PLEC: variants seen among roughly 807,000 people sequenced by gnomAD.
PLEC encodes hemidesmosomal protein 1.
PLEC carries 216 observed loss-of-function variants against 392.8 expected under a neutral mutation model. That is an observed-to-expected ratio of 0.55 (90% CI 0.49 to 0.62). PLEC has a LOEUF of 0.62. Among genes scored for constraint, PLEC ranks in the 20% least tolerant of loss-of-function variants. PLEC has a pLI of 0.00. For synonymous variants in PLEC, 3,621 were observed against 2,980.6 expected, an observed-to-expected ratio of 1.21 and a Z score of -7.00; for missense variants, 6,863 against 6,563.4, an observed-to-expected ratio of 1.05 and a Z score of -1.58.
intron 19 of PLEC, among the ~76,000 whole-genome samples, chr8:143,931,026 G>A (rs937272774): frequency 6.6e-6 from 1 of 152,146 alleles, no homozygotes; most frequent in African/African-American, 2.4e-5. Flanking sequence ...TCCCACCCCT[G>A]CTCCCAGAGC....
At chr8:143,947,665 G>A (rs1003219896) in intron 1 of PLEC, among the ~76,000 whole-genome samples, 4 of 152,138 alleles carry the variant, frequency 2.6e-5, no homozygotes, top group African/African-American at 4.8e-5. Flanking sequence ...CAGGAGAATC[G>A]CTTCAACCCG....
In PLEC at chr8:143,916,888, C is replaced by T. The variant is rs1554670396; in HGVS notation, c.12933G>A (p.Leu4311=). Residue 4311 remains leucine, a synonymous_variant, in exon 32 of 32, where the codon CTG becomes CTA. Transcript: ENST00000345136. Reference sequence around the variant, plus strand: ...CCCCGGTGCAGGCCTGCGCCTCCAGCAGCCGCTGCCCCGTGATGTTATCCA... The same window carrying T: ...CCCCGGTGCAGGCCTGCGCCTCCAGTAGCCGCTGCCCCGTGATGTTATCCA... ...NLVDNITGQR[L]LEAQACTGGI... 1 of 1,612,684 alleles carries T rather than the reference C, an allele frequency of 6.2e-7. No individual in the cohort carries two copies. The highest frequency in any genetic ancestry group is 1.1e-5 in the South Asian group (1 of 91,068).
rs782104325 is a variant in PLEC at position 143,935,883 on chromosome 8, G to A, written c.567C>T (p.Asp189=). 42 of 1,612,810 alleles carry A rather than the reference G, an allele frequency of 2.6e-5. No individual in the cohort carries two copies. The highest frequency in any genetic ancestry group is 5.0e-5 in the Admixed American group (3 of 60,000). The change falls in exon 6 of 32, where the codon GAC becomes GAT. Residue 189 remains aspartate, a synonymous_variant. Coordinates refer to ENST00000345136, the MANE Select transcript of PLEC (RefSeq NM_201384.3). ...RCDNFTSSWR[D]GRLFNAIIHR... is the part of the protein sequence containing the mutation. ...GGATGATGGCATTGAAGAGGCGGCC[G>A]TCTCTCCAGCTGGAGGTGAAGTTGT...
chr8:143,922,840 G>A lies in PLEC; in HGVS notation c.7089C>T (p.Gly2363=), dbSNP rs782294445. Residue 2363 remains glycine (G), a synonymous_variant, in exon 31 of 32, where the codon GGC becomes GGT. Coordinates refer to ENST00000345136, the MANE Select transcript of PLEC (RefSeq NM_201384.3). The part of the protein sequence containing the change: ...MAQQLAEETQ[G]FQRTLEAERQ... ...GCTCGGCCTCCAGCGTCCGCTGGAA[G>A]CCCTGCGTCTCCTCCGCCAGCTGCT... 12 of 1,581,440 alleles carry A rather than the reference G, an allele frequency of 7.6e-6. No individual in the cohort carries two copies. Among genetic ancestry groups the A allele is most frequent in the Middle Eastern group, 1.8e-4 (1 of 5,484 alleles).
intron 2 of PLEC, 153 bp from the exon 3 acceptor site, chr8:143,938,393 G>C (rs782674101): frequency 6.5e-7 from 1 of 1,535,466 alleles, no homozygotes; most frequent in African/African-American, 1.4e-5. Flanking sequence ...CCCCACGGAG[G>C]CACCTACCTC....
At chr8:143,939,699 G>A (rs571408765), upstream of PLEC, 79 of 1,341,642 alleles carry the variant, frequency 5.9e-5, no homozygotes, top group East Asian at 3.1e-4. Context: ...GGAGTGTCCC[G>A]GCGGGAAGGA....
chr8:143,952,287 A>C (rs1389676096), upstream of PLEC, among the ~76,000 whole-genome samples: 1 of 152,160 alleles, frequency 6.6e-6, no homozygotes, highest in African/African-American at 2.4e-5. Flanking sequence ...AGGCATAGCC[A>C]CGGTTCCCAC....
upstream of PLEC, among the ~76,000 whole-genome samples, chr8:143,951,249 T>C (rs1832117509): frequency 2.0e-5 from 3 of 151,808 alleles, no homozygotes; most frequent in South Asian, 6.2e-4. Flanking sequence ...TCGGCAGGGA[T>C]GTGGGCTCTG....
Position 143,935,293 on chromosome 8 carries a change from T to C in PLEC, c.623A>G (p.Asn208Ser), listed in dbSNP as rs1369476433. ...HRHKPLLIDM[N>S]KVYRQTNLEN... ...CAGGTTGGTCTGCCGGTACACCTTGTTCATGTCGATGAGCAGGGGCCTGGG... is the reference window on the plus strand; with the variant it reads ...CAGGTTGGTCTGCCGGTACACCTTGCTCATGTCGATGAGCAGGGGCCTGGG... The change falls in exon 7 of 32, where the codon AAC becomes AGC. Residue 208 changes from asparagine (N) to serine (S), a missense_variant. Asn to Ser is a conservative substitution (Grantham distance 46). Coordinates refer to ENST00000345136, the MANE Select transcript of PLEC (RefSeq NM_201384.3). 2 of 1,606,640 alleles carry C rather than the reference T, an allele frequency of 1.2e-6. No homozygotes were observed. Among genetic ancestry groups the C allele is most frequent in the Non-Finnish European group, 1.7e-6 (2 of 1,179,728 alleles).
At chr8:143,931,373 A>T (rs1339841307) in intron 19 of PLEC, among the ~76,000 whole-genome samples, 161 bp downstream of exon 19, 1 of 80,484 alleles carries the variant, frequency 1.2e-5, no homozygotes, top group African/African-American at 3.3e-5. Flanking sequence ...GCAGCCCAGA[A>T]CATCCTGCCT....
intron 1 of PLEC, chr8:143,946,419 G>A (rs1468163112): frequency 2.8e-5 from 36 of 1,285,642 alleles, no homozygotes; most frequent in Admixed American, 1.4e-4. Context: ...AGGCTGCTCC[G>A]AGAGCCGGCA....
At chr8:143,953,603 A>G (rs892186000), upstream of PLEC, 32 of 1,074,648 alleles carry the variant, frequency 3.0e-5, 1 homozygote, top group South Asian at 4.0e-4. Flanking sequence ...GCTCTGGCTC[A>G]GCGACCCACA....
At chr8:143,943,920 C>T (rs1830986775), upstream of PLEC, 11 of 1,605,306 alleles carry the variant, frequency 6.9e-6, no homozygotes, top group Non-Finnish European at 9.3e-6. Context: ...CAGGGCTGCC[C>T]TTCCTGCGCT....
At position 143,923,676 on chromosome 8, in the gene PLEC, C is replaced by A; in HGVS notation, c.6253G>T (p.Ala2085Ser). The A allele has an allele frequency of 6.4e-7, 1 of 1,553,636 alleles. No homozygotes were observed. Among genetic ancestry groups the A allele is most frequent in the Non-Finnish European group, 8.6e-7 (1 of 1,156,202 alleles). Reference sequence around the variant, plus strand: ...GCCTCCTCAGCCGCCCGCCGGGCCGCCTCCGCCTCGCCGCGCAGCTGGTCC... The same window carrying A: ...GCCTCCTCAGCCGCCCGCCGGGCCGACTCCGCCTCGCCGCGCAGCTGGTCC... ...VLDQLRGEAE[A>S]ARRAAEEAEE... Residue 2085 changes from alanine (A) to serine (S), a missense_variant, in exon 31 of 32, where the codon GCG becomes TCG. Ala to Ser is a moderately conservative substitution (Grantham distance 99, BLOSUM62 1). Transcript: ENST00000345136.
intron 25 of PLEC, among the ~76,000 whole-genome samples, chr8:143,928,414 T>C (rs2131647925): frequency 6.6e-6 from 1 of 152,320 alleles, no homozygotes; most frequent in East Asian, 1.9e-4. Flanking sequence ...CCTATCACTG[T>C]GCTGGTTCTG....
Position 143,915,985 on chromosome 8 carries a change from C to A in PLEC, c.*192G>T. 1 of 477,592 alleles carries A rather than the reference C, an allele frequency of 2.1e-6. No homozygotes were observed. The highest frequency in any genetic ancestry group is 3.6e-6 in the Non-Finnish European group (1 of 274,284). The allele number at this position is 477,592 out of a possible 1,614,324, so 29.6% of individuals were successfully genotyped here. ...CGAGGGGGTGAGGCGGCCAGCAGGG[C>A]TGGGCCAGCCCTGTCCCCCAAGATA... On this transcript the variant is annotated 3_prime_UTR_variant, in exon 32 of 32. Coordinates refer to ENST00000345136, the MANE Select transcript of PLEC (RefSeq NM_201384.3).
At chr8:143,950,253 T>C (rs1170535570) in exon 1 of PLEC, 3 of 1,569,448 alleles carry the variant, frequency 1.9e-6, no homozygotes, top group Non-Finnish European at 2.6e-6. Context: ...ACCACAGGGG[T>C]CTCAGGTGAC....
rs201102719 is a variant in PLEC, at chr8:143,920,263, T to C, written c.9558A>G (p.Thr3186=). 466 of 1,597,150 alleles carry C rather than the reference T, an allele frequency of 2.9e-4. 1 individual carries two copies. In the African/African-American group the frequency reaches 5.0e-3, roughly 17 times the overall value. ...ADAKAYSDPS[T]GEPATYGELQ... Reference sequence around the variant, plus strand: ...GCTCGCCGTAGGTGGCCGGCTCCCCTGTGCTGGGGTCACTGTAGGCCTTGG... The same window carrying C: ...GCTCGCCGTAGGTGGCCGGCTCCCCCGTGCTGGGGTCACTGTAGGCCTTGG... Residue 3186 remains threonine (T), a synonymous_variant, in exon 32 of 32, where the codon ACA becomes ACG. Transcript: ENST00000345136.
In PLEC at chr8:143,924,258, T is replaced by C. The variant is rs781977571; in HGVS notation, c.5671A>G (p.Ile1891Val). ...EEQAAQHKAD[I>V]EERLAQLRKA... Reference sequence around the variant, plus strand: ...CGCAGCTGGGCCAGGCGCTCCTCGATGTCAGCCTTGTGTTGCGCGGCCTGC... The same window carrying C: ...CGCAGCTGGGCCAGGCGCTCCTCGACGTCAGCCTTGTGTTGCGCGGCCTGC... The change falls in exon 31 of 32, where the codon ATC (isoleucine) becomes GTC (valine). Residue 1891 changes from isoleucine to valine, a missense_variant. By Grantham distance (29) the Ile-to-Val change is conservative (BLOSUM62 3). Transcript: ENST00000345136. 3.8e-6 allele frequency: 6 copies of C among 1,597,270 alleles called. No individual in the cohort carries two copies. Among genetic ancestry groups the C allele is most frequent in the South Asian group, 1.1e-5 (1 of 90,968 alleles).
Sources: gnomAD v4.1 joint callset for allele counts (sites outside exome capture counted in the v4.1 genomes callset) on GRCh38, gnomAD v4.1.1 for gene constraint, MANE v1.5 for transcripts, NCBI Gene and HGNC (gene_info 2026-07-23, HGNC 2026-07-21) for gene names.